PARM1: variants seen among roughly 807,000 people sequenced by gnomAD.
PARM1 encodes WSC4, cell wall integrity and stress response component 4 homolog.
PARM1 carries 14 observed loss-of-function variants against 24.6 expected under a neutral mutation model. That is an observed-to-expected ratio of 0.57 (90% CI 0.38 to 0.89). The LOEUF (loss-of-function observed/expected upper bound fraction) is 0.89. Among genes scored for constraint, PARM1 ranks in the 40% least tolerant of loss-of-function variants. PARM1 has a pLI of 0.00. For synonymous variants in PARM1, 179 were observed against 156.6 expected, an observed-to-expected ratio of 1.14 and a Z score of -1.07; for missense variants, 362 against 380.4, an observed-to-expected ratio of 0.95 and a Z score of 0.40.
At chr4:74,976,260 C>G (rs1423701975) in intron 1 of PARM1, among the ~76,000 whole-genome samples, 2 of 152,196 alleles carry the variant, frequency 1.3e-5, no homozygotes, top group African/African-American at 4.8e-5. Flanking sequence ...TGTCATTCTC[C>G]CCTGCTGGTG....
intron 1 of PARM1, among the ~76,000 whole-genome samples, chr4:74,939,786 A>C (rs993458061): frequency 6.6e-6 from 1 of 152,192 alleles, no homozygotes; most frequent in Non-Finnish European, 1.5e-5. Flanking sequence ...TAAGGCAAAA[A>C]ATCTGTGAAT....
chr4:74,945,380 T>C (rs1721393654), intron 1 of PARM1, among the ~76,000 whole-genome samples: 1 of 152,204 alleles, frequency 6.6e-6, no homozygotes, highest in Admixed American at 6.5e-5. Flanking sequence ...AATGTGGCTA[T>C]AGTGACTGCT....
At chr4:74,996,132 T>A (rs1387764586) in intron 1 of PARM1, among the ~76,000 whole-genome samples, 1 of 152,184 alleles carries the variant, frequency 6.6e-6, no homozygotes, top group Non-Finnish European at 1.5e-5. Flanking sequence ...CCTTTGAAAG[T>A]CTACTCTGAC....
rs1723662136 is a variant in PARM1, at chr4:75,048,805, C to T, written c.*2558C>T. 6.6e-6 allele frequency: 1 copy of T among 152,576 alleles called. No individual in the cohort carries two copies. The highest frequency in any genetic ancestry group is 6.5e-5 in the Admixed American group (1 of 15,282). The allele number at this position is 152,576 out of a possible 1,614,324, so 9.5% of individuals were successfully genotyped here. A position where few individuals can be genotyped will look rare whatever the true frequency, so the allele number is the denominator to read the frequency against. ...GATATATTCAGCAAGGTGACAGCTT[C>T]CCATAACAATTCTAACACTTCTTAT... On this transcript the variant is annotated 3_prime_UTR_variant, in exon 4 of 4. Coordinates refer to ENST00000307428, the MANE Select transcript of PARM1 (RefSeq NM_015393.4).
At chr4:74,988,679 A>G (rs1440660898) in intron 1 of PARM1, among the ~76,000 whole-genome samples, 1 of 152,236 alleles carries the variant, frequency 6.6e-6, no homozygotes. Context: ...CCTACTATGT[A>G]TCAGGGGCTG....
chr4:75,043,455 G>A (rs1723538908), intron 3 of PARM1, among the ~76,000 whole-genome samples: 1 of 151,746 alleles, frequency 6.6e-6, no homozygotes, highest in African/African-American at 2.4e-5. Flanking sequence ...AGAAACAGGG[G>A]GTTAAAAACT....
chr4:74,987,853 G>T (rs1310584351), intron 1 of PARM1, among the ~76,000 whole-genome samples: 1 of 152,172 alleles, frequency 6.6e-6, no homozygotes, highest in Non-Finnish European at 1.5e-5. Flanking sequence ...TCTCATTTCA[G>T]TTATTCAAGA....
intron 1 of PARM1, among the ~76,000 whole-genome samples, chr4:74,950,387 C>T (rs777951156): frequency 1.3e-5 from 2 of 152,174 alleles, no homozygotes; most frequent in Non-Finnish European, 2.9e-5. Context: ...GGCTGCATCA[C>T]TTCAATCTCC....
Position 75,046,330 on chromosome 4 carries a change from G to A in PARM1, c.*83G>A, listed in dbSNP as rs761960895. On this transcript the variant is annotated 3_prime_UTR_variant, in exon 4 of 4. Transcript: ENST00000307428. ...AGTAGAATTAATAAGTACCTGATGC[G>A]CATTGAACGACAATCTTAAGCCCTG... is the stretch of plus-strand genomic sequence containing the variant. 173 of 873,202 alleles carry A rather than the reference G, an allele frequency of 2.0e-4. No homozygotes were observed. Among genetic ancestry groups the A allele is most frequent in the Non-Finnish European group, 3.0e-4 (163 of 536,920 alleles). The allele number at this position is 873,202 out of a possible 1,614,324, so 54.1% of individuals were successfully genotyped here.
intron 1 of PARM1, among the ~76,000 whole-genome samples, chr4:75,003,328 A>G (rs1056661255): frequency 6.6e-6 from 1 of 152,128 alleles, no homozygotes; most frequent in African/African-American, 2.4e-5. Flanking sequence ...AAGGAAAAAA[A>G]AAAAAAAGAA....
At chr4:75,027,706 G>A (rs1014934252) in intron 2 of PARM1, among the ~76,000 whole-genome samples, 12 of 152,148 alleles carry the variant, frequency 7.9e-5, no homozygotes, top group Non-Finnish European at 1.6e-4. Flanking sequence ...ACGATCTAAG[G>A]TTGCTGTTCT....
At chr4:74,973,064 A>T (rs1722068824) in intron 1 of PARM1, among the ~76,000 whole-genome samples, 1 of 152,240 alleles carries the variant, frequency 6.6e-6, no homozygotes, top group Admixed American at 6.5e-5. Context: ...GATTAAAAAA[A>T]ATAACAAGAA....
In PARM1 at chr4:74,976,690, T is replaced by G. The variant is rs1266396748; in HGVS notation, c.44-35735T>G. Among the ~76,000 whole-genome samples the G allele has an allele frequency of 3.3e-5, 5 of 152,014 alleles. 1 individual carries two copies. Among genetic ancestry groups the G allele is most frequent in the South Asian group, 4.1e-4 (2 of 4,826 alleles). On this transcript the variant is annotated intron_variant, in intron 1 of 3. Transcript: ENST00000307428. ...GGTTGCCAGACACCTTATACAGGAG[T>G]GTTCCTGCTGGCATCAGATGGCTGC...
chr4:74,935,245 C>A (rs561568831), intron 1 of PARM1, among the ~76,000 whole-genome samples: 1 of 152,196 alleles, frequency 6.6e-6, no homozygotes, highest in South Asian at 2.1e-4. Context: ...ATATGCATAT[C>A]CCAAGCTGAA....
intron 1 of PARM1, among the ~76,000 whole-genome samples, chr4:74,963,050 G>A (rs2109990341): frequency 6.6e-6 from 1 of 152,270 alleles, no homozygotes; most frequent in South Asian, 2.1e-4. Context: ...CATTTTCTCT[G>A]CTAGCACTCA....
chr4:74,991,025 CAAGTA>C (rs1025024703), intron 1 of PARM1, among the ~76,000 whole-genome samples: 1 of 152,048 alleles, frequency 6.6e-6, no homozygotes, highest in East Asian at 1.9e-4. Flanking sequence ...TCCAAGAGAC[CAAGTA>C]AAGAGTAATA....
intron 1 of PARM1, among the ~76,000 whole-genome samples, chr4:74,981,053 CAA>C (rs1560782507): frequency 6.6e-6 from 1 of 152,214 alleles, no homozygotes; most frequent in African/African-American, 2.4e-5. Flanking sequence ...TAGGCACAGG[CAA>C]AGATTTCCTT....
chr4:74,948,015 T>G (rs1298955457), intron 1 of PARM1, among the ~76,000 whole-genome samples: 1 of 152,206 alleles, frequency 6.6e-6, no homozygotes, highest in Non-Finnish European at 1.5e-5. Flanking sequence ...CTGGACGCTT[T>G]CAGGCCTCTC....
At chr4:75,028,688 A>G (rs2109806016) in intron 2 of PARM1, among the ~76,000 whole-genome samples, 1 of 152,286 alleles carries the variant, frequency 6.6e-6, no homozygotes, top group South Asian at 2.1e-4. Flanking sequence ...GATAGCAGTG[A>G]GACACTCACC....
Sources: allele counts gnomAD v4.1 joint callset (sites outside exome capture counted in the v4.1 genomes callset), GRCh38; gene constraint gnomAD v4.1.1; transcripts MANE v1.5; gene names NCBI Gene and HGNC (gene_info 2026-07-23, HGNC 2026-07-21).